The following ACTR3C variants were observed in gnomAD, a reference collection of about 807,000 sequenced individuals.
ACTR3C encodes the protein actin related protein 3C, also known as actin-related protein 3C.
In ACTR3C, 18 loss-of-function variants were observed where a neutral mutation model predicts 26.3. That is an observed-to-expected ratio of 0.68 (90% CI 0.47 to 1.01). The LOEUF (loss-of-function observed/expected upper bound fraction) is 1.01. ACTR3C is among the 50% of genes least tolerant of loss of function. The pLI is 0.00. For synonymous variants in ACTR3C, 55 were observed against 94.5 expected, an observed-to-expected ratio of 0.58 and a Z score of 2.42; for missense variants, 184 against 250.7, an observed-to-expected ratio of 0.73 and a Z score of 1.80.
the ACTR3C span, among the ~76,000 whole-genome samples, chr7:149,885,420 G>T: frequency 6.6e-6 from 1 of 152,228 alleles, no homozygotes; most frequent in Non-Finnish European, 1.5e-5. Flanking sequence ...CCCAGCATGA[G>T]CTGGTCCCTC....
the ACTR3C span, among the ~76,000 whole-genome samples, chr7:150,114,701 A>C: frequency 6.6e-6 from 1 of 152,264 alleles, no homozygotes; most frequent in Non-Finnish European, 1.5e-5. Flanking sequence ...TAGGTCAGAC[A>C]TCAGAATGTG....
the ACTR3C span, among the ~76,000 whole-genome samples, chr7:149,972,270 A>G: frequency 6.6e-6 from 1 of 151,888 alleles, no homozygotes; most frequent in African/African-American, 2.4e-5. Context: ...TCTTTCTTCC[A>G]CTCTGTTTGC....
chr7:150,199,639 T>TA, the ACTR3C span, among the ~76,000 whole-genome samples: 5 of 77,142 alleles, frequency 6.5e-5, no homozygotes, highest in South Asian at 8.3e-4. Flanking sequence ...TAAATAAAAA[T>TA]AAAAAAAAAT....
chr7:150,263,240 T>C (rs1255483022), intron 6 of ACTR3C, among the ~76,000 whole-genome samples: 4 of 152,096 alleles, frequency 2.6e-5, no homozygotes, highest in African/African-American at 9.6e-5. Context: ...TATAGTCCAG[T>C]GGCGATCTGG....
At chr7:150,302,594 T>C (rs1795513913) in intron 1 of ACTR3C, among the ~76,000 whole-genome samples, 1 of 151,898 alleles carries the variant, frequency 6.6e-6, no homozygotes, top group African/African-American at 2.4e-5. Context: ...ATTTTAAAAA[T>C]GGGTAAAAAG....
At chr7:150,132,477 C>T in the ACTR3C span, among the ~76,000 whole-genome samples, 1 of 152,146 alleles carries the variant, frequency 6.6e-6, no homozygotes, top group Non-Finnish European at 1.5e-5. Flanking sequence ...AGAAGACATA[C>T]AAGCAGCCAA....
At chr7:150,046,948 G>C in the ACTR3C span, among the ~76,000 whole-genome samples, 2 of 152,164 alleles carry the variant, frequency 1.3e-5, no homozygotes, top group Non-Finnish European at 2.9e-5. Context: ...AGGGGAGACA[G>C]ACACGGCCTG....
the ACTR3C span, among the ~76,000 whole-genome samples, chr7:150,046,351 C>CT: frequency 2.3e-4 from 14 of 60,906 alleles, 1 homozygote; most frequent in African/African-American, 7.0e-4. Flanking sequence ...CTCACCGCCC[C>CT]CCCCCCCCCG....
intron 3 of ACTR3C, 67 bp from the exon 4 acceptor site, chr7:150,289,660 C>T (rs529124396): frequency 3.1e-5 from 49 of 1,573,192 alleles, no homozygotes; most frequent in Non-Finnish European, 3.8e-5. Flanking sequence ...CCTGGACTCA[C>T]GAGGTTTCCT....
At chr7:150,014,512 T>C in the ACTR3C span, among the ~76,000 whole-genome samples, 1 of 151,800 alleles carries the variant, frequency 6.6e-6, no homozygotes, top group Non-Finnish European at 1.5e-5. Context: ...AGCACCATCC[T>C]TCACAGTGCT....
chr7:150,041,644 C>T, the ACTR3C span, among the ~76,000 whole-genome samples: 346 of 112,616 alleles, frequency 3.1e-3, 7 homozygotes, highest in African/African-American at 9.2e-3. Flanking sequence ...GCCTCCCCCC[C>T]CCTGCGATGA....
At chr7:149,913,541 G>C in the ACTR3C span, among the ~76,000 whole-genome samples, 1 of 152,030 alleles carries the variant, frequency 6.6e-6, no homozygotes, top group Admixed American at 6.6e-5. Context: ...TAGGCATCAA[G>C]GAAGAATAAG....
chr7:149,958,792 A>C, the ACTR3C span, among the ~76,000 whole-genome samples: 4 of 152,236 alleles, frequency 2.6e-5, no homozygotes, highest in Non-Finnish European at 5.9e-5. Context: ...GTTTGCAAAG[A>C]AGAGGTATGA....
chr7:149,927,431 A>T, the ACTR3C span, among the ~76,000 whole-genome samples: 5,023 of 17,310 alleles, frequency 0.29, 134 homozygotes, highest in African/African-American at 0.41. Flanking sequence ...ATGACTATTT[A>T]AAAAAAAAAA....
chr7:150,188,503 G>A, the ACTR3C span, among the ~76,000 whole-genome samples: 1 of 151,542 alleles, frequency 6.6e-6, no homozygotes. Flanking sequence ...CTATGGTAAA[G>A]GAATGTCTAA....
the ACTR3C span, among the ~76,000 whole-genome samples, chr7:150,109,558 CCA>C: frequency 2.0e-5 from 3 of 150,864 alleles, no homozygotes; most frequent in East Asian, 5.8e-4. Flanking sequence ...AGCCTGACGA[CCA>C]CAGTCTCGTG....
chr7:150,225,241 G>A, the ACTR3C span, among the ~76,000 whole-genome samples: 2 of 152,116 alleles, frequency 1.3e-5, no homozygotes, highest in Non-Finnish European at 2.9e-5. Flanking sequence ...CTGTTTCTGA[G>A]TCCTCTAGCT....
the ACTR3C span, among the ~76,000 whole-genome samples, chr7:149,921,045 C>T: frequency 1.3e-5 from 2 of 152,108 alleles, no homozygotes; most frequent in African/African-American, 4.8e-5. Context: ...CGTGAGCCAC[C>T]GTGCCCGGCC....
the ACTR3C span, among the ~76,000 whole-genome samples, chr7:149,987,912 CTTT>C: frequency 3.3e-5 from 5 of 152,056 alleles, no homozygotes; most frequent in African/African-American, 1.2e-4. Context: ...AAAATAAAAG[CTTT>C]TTTAAAAAAG....
Sources: allele counts gnomAD v4.1 joint callset (sites outside exome capture counted in the v4.1 genomes callset), GRCh38; gene constraint gnomAD v4.1.1; transcripts MANE v1.5; gene names NCBI Gene and HGNC (gene_info 2026-07-23, HGNC 2026-07-21).